The following NDE1 variants were observed in gnomAD, a reference collection of about 807,000 sequenced individuals.
NDE1 encodes the protein nudE neurodevelopment protein 1.
Under a neutral mutation model 43.4 loss-of-function variants are expected in NDE1, and 28 were observed. The observed-to-expected ratio is 0.65, with a 90% confidence interval of 0.48 to 0.89. The LOEUF (loss-of-function observed/expected upper bound fraction) is 0.89. Ranked by LOEUF, NDE1 falls within the 40% of genes least tolerant of loss-of-function variation. The pLI is 0.00. For missense variants in NDE1, 441 were observed against 434.1 expected, an observed-to-expected ratio of 1.02 and a Z score of -0.14; for synonymous variants, 184 against 172.0, an observed-to-expected ratio of 1.07 and a Z score of -0.55.
chr16:15,677,879 A>G lies in NDE1; in HGVS notation c.316A>G (p.Ile106Val), dbSNP rs2037968273. ...LEDDLAQTKAIKDQLQKYIRE... is the reference protein window; with the variant it reads ...LEDDLAQTKAVKDQLQKYIRE... The stretch of plus-strand genomic sequence containing the variant: ...GGATGACCTCGCGCAGACCAAAGCC[A>G]TTAAAGACCAATTGCAGAAATACAT... The change falls in exon 4 of 9, where the codon ATT becomes GTT. Residue 106 changes from isoleucine (I) to valine (V), a missense_variant. Transcript: ENST00000396354. 1.1e-5 allele frequency: 17 copies of G among 1,614,020 alleles called. No homozygotes were observed. The highest frequency in any genetic ancestry group is 1.4e-5 in the Non-Finnish European group (17 of 1,180,038).
intron 7 of NDE1, chr16:15,694,834 A>G (rs895005914): frequency 5.1e-6 from 5 of 985,276 alleles, no homozygotes; most frequent in Non-Finnish European, 6.0e-6. Flanking sequence ...AATTAGGGTG[A>G]TATGTGTGTT....
In NDE1 at chr16:15,720,185, C is replaced by T. The variant is rs1252075795; in HGVS notation, c.948-4006C>T. On this transcript the variant is annotated intron_variant, in intron 8 of 8. Transcript: ENST00000396354. Reference sequence around the variant, plus strand: ...GCGTAGCTGCTTGATGGCTTCCTCCCTCCCCTTGATGGCAGAGTCGGCCTG... The same window carrying T: ...GCGTAGCTGCTTGATGGCTTCCTCCTTCCCCTTGATGGCAGAGTCGGCCTG... 1.2e-6 allele frequency: 2 copies of T among 1,614,154 alleles called. No individual in the cohort carries two copies. Among genetic ancestry groups the T allele is most frequent in the South Asian group, 2.2e-5 (2 of 91,076 alleles).
At chr16:15,697,601 T>C (rs1482556681) in intron 8 of NDE1, among the ~76,000 whole-genome samples, 1 of 152,014 alleles carries the variant, frequency 6.6e-6, no homozygotes, top group Non-Finnish European at 1.5e-5. Flanking sequence ...TAGTCCCAGC[T>C]ACTCAGGAGG....
rs191038684 is a variant in NDE1, at chr16:15,695,463, G to A, written c.795+1207G>A. The A allele has an allele frequency of 2.2e-5, 21 of 968,932 alleles. No homozygotes were observed. In the Admixed American group the frequency reaches 8.2e-4, roughly 38 times the overall value. 60.0% of individuals were successfully genotyped at this position (968,932 alleles called of 1,614,324 possible). On this transcript the variant is annotated intron_variant, in intron 7 of 8. Transcript: ENST00000396354. The stretch of plus-strand genomic sequence containing the variant: ...GCGGAGGTTGCAGTGAGCTGAGATC[G>A]CACCGCTGGGTGACAAAGTGAGACT...
intron 8 of NDE1, chr16:15,720,864 T>A (rs1464537184): frequency 6.2e-7 from 1 of 1,613,780 alleles, no homozygotes; most frequent in Admixed American, 1.7e-5. Flanking sequence ...CCTCCTCTTC[T>A]CCTCATTCTG....
chr16:15,665,198 A>G (rs1209264740), intron 2 of NDE1, among the ~76,000 whole-genome samples: 1 of 152,000 alleles, frequency 6.6e-6, no homozygotes, highest in Non-Finnish European at 1.5e-5. Flanking sequence ...TAAAAAGAAC[A>G]GCAACCATTT....
At chr16:15,722,285 A>G (rs942789457) in intron 8 of NDE1, among the ~76,000 whole-genome samples, 19 of 152,234 alleles carry the variant, frequency 1.2e-4, no homozygotes, top group African/African-American at 4.3e-4. Context: ...AGCTATTAAT[A>G]TCTTACAAAA....
chr16:15,695,202 CCTTTTTT>C (rs1163612255), intron 7 of NDE1, among the ~76,000 whole-genome samples: 1 of 127,418 alleles, frequency 7.8e-6, no homozygotes, highest in Non-Finnish European at 1.6e-5. Context: ...AAAACTGCCA[CCTTTTTT>C]TTTTTTTTTT....
At chr16:15,678,945 G>A (rs1453968987) in intron 4 of NDE1, among the ~76,000 whole-genome samples, 8 of 151,850 alleles carry the variant, frequency 5.3e-5, no homozygotes, top group Non-Finnish European at 1.0e-4. Context: ...GCGTGGTGGC[G>A]GGTGCCTGTA....
In NDE1 at chr16:15,703,616, A is replaced by G. The variant is rs2039300208; in HGVS notation, c.947+6756A>G. On this transcript the variant is annotated intron_variant, in intron 8 of 8. Transcript: ENST00000396354. The stretch of plus-strand genomic sequence containing the variant: ...TGGTGGTGGTGGTGGTGGTTGAGAC[A>G]GGGTCTCTGTTGCCCAGGCTGGAGT... The G allele has an allele frequency of 2.3e-5, 9 of 393,750 alleles. No individual in the cohort carries two copies. In the South Asian group the frequency reaches 2.5e-4, roughly 11 times the overall value. The allele number at this position is 393,750 out of a possible 1,614,324, so 24.4% of individuals were successfully genotyped here. A position where few individuals can be genotyped will look rare whatever the true frequency, so the allele number is the denominator to read the frequency against.
intron 4 of NDE1, among the ~76,000 whole-genome samples, chr16:15,683,772 C>T (rs1411189204): frequency 1.3e-5 from 2 of 152,208 alleles, no homozygotes; most frequent in Non-Finnish European, 2.9e-5. Context: ...AATCTGTCAT[C>T]TTAGTACTTG....
intron 8 of NDE1, chr16:15,718,956 C>T (rs983674221): frequency 4.0e-5 from 19 of 479,854 alleles, no homozygotes; most frequent in Non-Finnish European, 5.3e-5. Flanking sequence ...GGTGAAACCC[C>T]ACCTCTACTA....
chr16:15,672,828 G>A (rs995141815), intron 3 of NDE1: 3 of 152,192 alleles, frequency 2.0e-5, no homozygotes, highest in South Asian at 2.1e-4. Context: ...AGGGTGTGAG[G>A]CGATGAGAGC....
chr16:15,712,882 G>GTTTTTTTTTTGTTTTTTTTTTTTTT, intron 8 of NDE1: 1 of 90,636 alleles, frequency 1.1e-5, no homozygotes, highest in Non-Finnish European at 2.3e-5. Flanking sequence ...TTCACATACA[G>GTTTTTTTTTTGTTTTTTTTTTTTTT]TTTTTTTTTT....
Position 15,674,089 on chromosome 16 carries a change from T to G in NDE1, c.238-3712T>G, listed in dbSNP as rs1462888281. On this transcript the variant is annotated intron_variant, in intron 3 of 8. Coordinates refer to ENST00000396354, the MANE Select transcript of NDE1 (RefSeq NM_017668.3). ...CCTGGAGGCCAGCACAGAATAAGTATGTAATGGATGTTATTGCTGCAGCTG... is the reference window on the plus strand; with the variant it reads ...CCTGGAGGCCAGCACAGAATAAGTAGGTAATGGATGTTATTGCTGCAGCTG... Among the ~76,000 whole-genome samples, 7 of 152,252 alleles carry G rather than the reference T, an allele frequency of 4.6e-5. No individual in the cohort carries two copies. In the East Asian group the frequency reaches 1.4e-3, roughly 29 times the overall value.
intron 8 of NDE1, among the ~76,000 whole-genome samples, chr16:15,702,776 C>T (rs1235662012): frequency 2.0e-5 from 3 of 152,094 alleles, no homozygotes; most frequent in Non-Finnish European, 4.4e-5. Flanking sequence ...CTCAAAAAAT[C>T]AAGGAAATCC....
chr16:15,657,435 G>A (rs1048498875), intron 1 of NDE1, among the ~76,000 whole-genome samples: 1 of 152,076 alleles, frequency 6.6e-6, no homozygotes, highest in African/African-American at 2.4e-5. Context: ...CTCATTGATA[G>A]ATGCCTTGGC....
At chr16:15,668,720 C>T (rs1456483482) in intron 3 of NDE1, among the ~76,000 whole-genome samples, 1 of 152,180 alleles carries the variant, frequency 6.6e-6, no homozygotes, top group Non-Finnish European at 1.5e-5. Flanking sequence ...TTAGGAGCCA[C>T]GTGTGGCCAG....
intron 8 of NDE1, chr16:15,703,374 T>TG: frequency 4.2e-6 from 1 of 236,908 alleles, no homozygotes; most frequent in Non-Finnish European, 8.4e-6. Flanking sequence ...GAATTGGGAG[T>TG]GGGGGCCGGC....
Sources: allele counts gnomAD v4.1 joint callset (sites outside exome capture counted in the v4.1 genomes callset), GRCh38; gene constraint gnomAD v4.1.1; transcripts MANE v1.5; gene names NCBI Gene and HGNC (gene_info 2026-07-23, HGNC 2026-07-21).